The following ABCG8 variants were observed in gnomAD, a reference collection of about 807,000 sequenced individuals.
ABCG8 encodes the protein ATP binding cassette subfamily G member 8.
Under a neutral mutation model 71.3 loss-of-function variants are expected in ABCG8, and 81 were observed. That is an observed-to-expected ratio of 1.14 (90% CI 0.95 to 1.37). ABCG8 has a LOEUF of 1.37. Ranked by LOEUF, ABCG8 falls within the 40% of genes most tolerant of loss-of-function variation. The pLI is 0.00. For synonymous variants in ABCG8, 451 were observed against 354.7 expected (o/e 1.27, Z -3.05); for missense variants, 1,119 against 866.2 (o/e 1.29, Z -3.66).
chr2:43,854,196 C>T (rs939597038), intron 6 of ABCG8, among the ~76,000 whole-genome samples: 3 of 152,216 alleles, frequency 2.0e-5, no homozygotes, highest in Non-Finnish European at 4.4e-5. Context: ...TCTCACCAAC[C>T]TGGGATGCAA....
At chr2:43,857,979 A>C (rs72796774) in intron 6 of ABCG8, among the ~76,000 whole-genome samples, 6 of 150,288 alleles carry the variant, frequency 4.0e-5, no homozygotes, top group Non-Finnish European at 7.4e-5. Flanking sequence ...TAGAATTCTC[A>C]CTATCTATCT....
intron 6 of ABCG8, among the ~76,000 whole-genome samples, chr2:43,856,532 A>G (rs1669114039): frequency 1.3e-5 from 2 of 151,850 alleles, no homozygotes; most frequent in African/African-American, 4.8e-5. Context: ...CACTTTCTGG[A>G]TAGAAATCTC....
At chr2:43,877,717 T>C in intron 12 of ABCG8, 29 bp downstream of exon 12, 1 of 1,614,056 alleles carries the variant, frequency 6.2e-7, no homozygotes, top group Non-Finnish European at 8.5e-7. Context: ...GGGTTCTAAA[T>C]TATTGGACGT....
chr2:43,878,045 G>T lies in ABCG8; in HGVS notation c.*132G>T. On this transcript the variant is annotated 3_prime_UTR_variant, in exon 13 of 13. Coordinates refer to ENST00000272286, the MANE Select transcript of ABCG8 (RefSeq NM_022437.3). ...GATGCTCAGCTACATCCGGCCCAGG[G>T]TGCTGCAGTGGCACAGACCAGCCAC... is the stretch of plus-strand genomic sequence containing the variant. The T allele has an allele frequency of 7.3e-7, 1 of 1,365,796 alleles. No homozygotes were observed. The allele number at this position is 1,365,796 out of a possible 1,614,324, so 84.6% of individuals were successfully genotyped here.
At chr2:43,846,587 G>A (rs1668750328) in intron 3 of ABCG8, 1 of 454,570 alleles carries the variant, frequency 2.2e-6, no homozygotes, top group East Asian at 4.5e-5. Context: ...CTAACACCTG[G>A]ACGGAGAGAT....
At chr2:43,859,479 C>G (rs768130018) in intron 6 of ABCG8, among the ~76,000 whole-genome samples, 1 of 151,294 alleles carries the variant, frequency 6.6e-6, no homozygotes, top group African/African-American at 2.4e-5. Context: ...AGAATTCTCA[C>G]TCTGCATAGA....
intron 1 of ABCG8, among the ~76,000 whole-genome samples, chr2:43,843,947 G>C (rs550513782): frequency 7.9e-5 from 12 of 152,294 alleles, no homozygotes; most frequent in African/African-American, 2.4e-4. Flanking sequence ...GATATGAGGA[G>C]AAGTATGCCA....
chr2:43,882,810 G>C lies in ABCG8; in HGVS notation c.*4897G>C, dbSNP rs1438587148. The C allele has an allele frequency of 6.6e-6, 1 of 152,228 alleles. No homozygotes were observed. The highest frequency in any genetic ancestry group is 2.4e-5 in the African/African-American group (1 of 41,448). 9.4% of individuals were successfully genotyped at this position (152,228 alleles called of 1,614,324 possible). On this transcript the variant is annotated 3_prime_UTR_variant, in exon 13 of 13. Coordinates refer to ENST00000272286, the MANE Select transcript of ABCG8 (RefSeq NM_022437.3). ...TAATAATTAAAACAACGTTTAAGCA[G>C]TGGGTTGAGATTTTTAAACACAAAC...
At chr2:43,855,227 T>C (rs538780251) in intron 6 of ABCG8, among the ~76,000 whole-genome samples, 2 of 152,198 alleles carry the variant, frequency 1.3e-5, no homozygotes, top group African/African-American at 4.8e-5. Flanking sequence ...AATACAATTC[T>C]CACCATCTAG....
Position 43,851,610 on chromosome 2 carries a change from G to A in ABCG8, c.349G>A (p.Val117Met), listed in dbSNP as rs994594128. The A allele has an allele frequency of 5.6e-6, 9 of 1,614,122 alleles. No individual in the cohort carries two copies. The African/African-American group carries it at 1.1e-4, about 19-fold the overall frequency. Residue 117 changes from valine (V) to methionine (M), a missense_variant, in exon 4 of 13, where the codon GTG becomes ATG. Coordinates refer to ENST00000272286, the MANE Select transcript of ABCG8 (RefSeq NM_022437.3). ...SGCGRASLLD[V>M]ITGRGHGGKI... is the part of the protein sequence containing the mutation. ...TTGTGGGAGAGCCTCCTTGCTAGAT[G>A]TGATCACTGGCCGAGGTCACGGCGG...
At chr2:43,844,873 G>A (rs1030334967) in intron 2 of ABCG8, among the ~76,000 whole-genome samples, 3 of 152,016 alleles carry the variant, frequency 2.0e-5, no homozygotes, top group Non-Finnish European at 4.4e-5. Context: ...AAATGTCTCT[G>A]GGACTCTTTT....
intron 6 of ABCG8, among the ~76,000 whole-genome samples, chr2:43,859,485 A>C (rs968591085): frequency 2.0e-5 from 3 of 151,244 alleles, no homozygotes; most frequent in African/African-American, 7.3e-5. Flanking sequence ...CTCACTCTGC[A>C]TAGAACTCTC....
At chr2:43,847,154 C>G (rs2104913582) in intron 3 of ABCG8, 1 of 152,510 alleles carries the variant, frequency 6.6e-6, no homozygotes, top group Non-Finnish European at 1.5e-5. Flanking sequence ...GACATTTCTC[C>G]CTGGGACACC....
intron 6 of ABCG8, among the ~76,000 whole-genome samples, chr2:43,856,770 C>T (rs757722672): frequency 2.0e-5 from 3 of 151,648 alleles, no homozygotes; most frequent in Non-Finnish European, 4.4e-5. Context: ...AGAATTCTCA[C>T]TCTAGATAAA....
At position 43,877,878 on chromosome 2, in the gene ABCG8, A is replaced by G. The variant is rs747480829; in HGVS notation, c.1987A>G (p.Arg663Gly). Residue 663 changes from arginine to glycine, a missense_variant, in exon 13 of 13, where the codon AGG becomes GGG. Coordinates refer to ENST00000272286, the MANE Select transcript of ABCG8 (RefSeq NM_022437.3). Reference protein sequence around the residue: ...GFMVLYYVSLRFIKQKPSQDW With the variant: ...GFMVLYYVSLGFIKQKPSQDW Reference sequence around the variant, plus strand: ...CATGGTCCTGTACTACGTGTCCTTAAGGTTCATCAAACAGAAACCAAGTCA... The same window carrying G: ...CATGGTCCTGTACTACGTGTCCTTAGGGTTCATCAAACAGAAACCAAGTCA... 1 of 1,614,054 alleles carries G rather than the reference A, an allele frequency of 6.2e-7. No individual in the cohort carries two copies. The highest frequency in any genetic ancestry group is 1.1e-5 in the South Asian group (1 of 91,072).
At chr2:43,870,327 C>G (rs1669719103) in intron 6 of ABCG8, among the ~76,000 whole-genome samples, 3 of 152,032 alleles carry the variant, frequency 2.0e-5, no homozygotes, top group South Asian at 4.1e-4. Context: ...GGATAGAACT[C>G]TCACTATCTA....
Position 43,877,664 on chromosome 2 carries a change from C to G in ABCG8, c.1860C>G (p.Leu620=). 1 of 1,614,114 alleles carries G rather than the reference C, an allele frequency of 6.2e-7. No homozygotes were observed. The change falls in exon 12 of 13, where the codon CTC becomes CTG. Residue 620 remains leucine (L), a synonymous_variant. Coordinates refer to ENST00000272286, the MANE Select transcript of ABCG8 (RefSeq NM_022437.3). ...RRTYKMPLGN[L]TIAVSGDKIL... is the part of the protein sequence containing the mutation. ...CTTATAAAATGCCTCTCGGGAACCTCACCATCGCGGTCTCAGGAGATAAAG... is the reference window on the plus strand; with the variant it reads ...CTTATAAAATGCCTCTCGGGAACCTGACCATCGCGGTCTCAGGAGATAAAG...
chr2:43,881,663 T>G lies in ABCG8; in HGVS notation c.*3750T>G, dbSNP rs1325755990. On this transcript the variant is annotated 3_prime_UTR_variant, in exon 13 of 13. Coordinates refer to ENST00000272286, the MANE Select transcript of ABCG8 (RefSeq NM_022437.3). Reference sequence around the variant, plus strand: ...GGCAGAGGTTGCAGTGAGCCGAGATTGAGCCACCGCACTCCAGCCTGGTGA... The same window carrying G: ...GGCAGAGGTTGCAGTGAGCCGAGATGGAGCCACCGCACTCCAGCCTGGTGA... 2.8e-5 allele frequency: 4 copies of G among 141,566 alleles called. No individual in the cohort carries two copies. Among genetic ancestry groups the G allele is most frequent in the African/African-American group, 1.1e-4 (4 of 36,900 alleles). 8.8% of individuals were successfully genotyped at this position (141,566 alleles called of 1,614,324 possible).
intron 10 of ABCG8, among the ~76,000 whole-genome samples, 165 bp downstream of exon 10, chr2:43,874,648 T>G (rs1315789313): frequency 6.6e-6 from 1 of 152,180 alleles, no homozygotes; most frequent in South Asian, 2.1e-4. Flanking sequence ...TTTCAGAGAC[T>G]TGAACTTTTA....
Sources: gnomAD v4.1 joint callset for allele counts (sites outside exome capture counted in the v4.1 genomes callset) on GRCh38, gnomAD v4.1.1 for gene constraint, MANE v1.5 for transcripts, NCBI Gene and HGNC (gene_info 2026-07-23, HGNC 2026-07-21) for gene names.